TNKS: variants seen among roughly 807,000 people sequenced by gnomAD.
TNKS encodes tankyrase.
Under a neutral mutation model 135.8 loss-of-function variants are expected in TNKS, and 72 were observed. The observed-to-expected ratio is 0.53, with a 90% CI of 0.44 to 0.64. TNKS has a LOEUF of 0.64. Ranked by LOEUF, TNKS falls within the 30% of genes least tolerant of loss-of-function variation. The pLI, the probability that TNKS is intolerant of heterozygous loss-of-function variation, is 0.00. For missense variants in TNKS, 1,769 were observed against 1,674.0 expected, an observed-to-expected ratio of 1.06 and a Z score of -0.99; for synonymous variants, 849 against 649.3, an observed-to-expected ratio of 1.31 and a Z score of -4.68.
intron 2 of TNKS, among the ~76,000 whole-genome samples, chr8:9,589,284 G>C (rs1210154279): frequency 6.6e-6 from 1 of 152,204 alleles, no homozygotes; most frequent in Non-Finnish European, 1.5e-5. Context: ...GGAGGTTCTA[G>C]AACCTAGTAG....
At chr8:9,757,295 G>A (rs1806890539) in intron 20 of TNKS, among the ~76,000 whole-genome samples, 1 of 152,086 alleles carries the variant, frequency 6.6e-6, no homozygotes, top group Non-Finnish European at 1.5e-5. Flanking sequence ...ATACTTCTAA[G>A]CCTCTTAGTT....
chr8:9,562,581 A>G (rs1348118483), intron 1 of TNKS, among the ~76,000 whole-genome samples: 1 of 152,170 alleles, frequency 6.6e-6, no homozygotes, highest in Non-Finnish European at 1.5e-5. Context: ...TATAGACAGT[A>G]TATATGTGAG....
At chr8:9,670,731 C>T (rs1455265704) in intron 3 of TNKS, 1 of 152,136 alleles carries the variant, frequency 6.6e-6, no homozygotes, top group African/African-American at 2.4e-5. Flanking sequence ...TTTTAGAAAG[C>T]TGCTTGGATT....
At chr8:9,720,247 C>A in intron 11 of TNKS, 127 bp from the exon 12 acceptor site, 2 of 847,172 alleles carry the variant, frequency 2.4e-6, no homozygotes, top group Non-Finnish European at 3.4e-6. Context: ...AGTTTATAAT[C>A]AATATCTATG....
chr8:9,696,108 A>G (rs1803504258), intron 5 of TNKS, among the ~76,000 whole-genome samples: 1 of 152,232 alleles, frequency 6.6e-6, no homozygotes, highest in Admixed American at 6.5e-5. Flanking sequence ...GGTTGGAGAT[A>G]TAACTGGGGA....
Position 9,781,928 on chromosome 8 carries a change from T to G in TNKS, c.*5192T>G, listed in dbSNP as rs1184865214. ...TCAGATCAAGTACAAGATGCCCAGT[T>G]AAGTTTGAATTTCAGAGAAACAATT... On this transcript the variant is annotated 3_prime_UTR_variant, in exon 27 of 27. Transcript: ENST00000310430. The G allele has an allele frequency of 6.6e-6, 1 of 152,570 alleles. No homozygotes were observed. Among genetic ancestry groups the G allele is most frequent in the East Asian group, 1.9e-4 (1 of 5,206 alleles). 9.5% of individuals were successfully genotyped at this position (152,570 alleles called of 1,614,324 possible). A position where few individuals can be genotyped will look rare whatever the true frequency, so the allele number is the denominator to read the frequency against.
At chr8:9,721,766 T>C (rs1264505155) in intron 12 of TNKS, among the ~76,000 whole-genome samples, 2 of 152,212 alleles carry the variant, frequency 1.3e-5, no homozygotes, top group East Asian at 3.9e-4. Flanking sequence ...TAAAACGCCC[T>C]AACTAGATCG....
At position 9,615,678 on chromosome 8, in the gene TNKS, G is replaced by A; in HGVS notation, c.994+1G>A. On this transcript the variant is annotated splice_donor_variant, in intron 3 of 26. Transcript: ENST00000310430. LOFTEE classifies it high-confidence loss of function. The stretch of plus-strand genomic sequence containing the variant: ...CCTTCAGCAAAAGCTGTCCTTACAG[G>A]TAAGAAGACAGAGAGCTACCGAATG... 1 of 1,608,486 alleles carries A rather than the reference G, an allele frequency of 6.2e-7. No individual in the cohort carries two copies. The highest frequency in any genetic ancestry group is 8.5e-7 in the Non-Finnish European group (1 of 1,176,554).
intron 14 of TNKS, among the ~76,000 whole-genome samples, chr8:9,731,536 G>A (rs1055697838): frequency 6.7e-6 from 1 of 150,368 alleles, no homozygotes; most frequent in Non-Finnish European, 1.5e-5. Flanking sequence ...CCCACCTCCT[G>A]CTCAGAGATA....
chr8:9,769,624 T>TG (rs1807688618), intron 25 of TNKS, among the ~76,000 whole-genome samples: 1 of 137,598 alleles, frequency 7.3e-6, no homozygotes, highest in African/African-American at 2.8e-5. Flanking sequence ...TTTTTTTTTT[T>TG]TTTTTTTTTT....
intron 2 of TNKS, among the ~76,000 whole-genome samples, chr8:9,584,346 A>G (rs574848025): frequency 1.3e-5 from 2 of 152,092 alleles, no homozygotes; most frequent in Non-Finnish European, 2.9e-5. Context: ...ACTTCTTTGC[A>G]GTCAGGGATT....
intron 25 of TNKS, 35 bp downstream of exon 25, chr8:9,766,460 C>T (rs2128837399): frequency 7.0e-7 from 1 of 1,432,574 alleles, no homozygotes; most frequent in Non-Finnish European, 9.2e-7. Flanking sequence ...CGTTTCCCAC[C>T]CCTAGGTCAC....
At chr8:9,591,885 G>T (rs954949279) in intron 2 of TNKS, among the ~76,000 whole-genome samples, 1 of 152,110 alleles carries the variant, frequency 6.6e-6, no homozygotes, top group African/African-American at 2.4e-5. Flanking sequence ...TAACATTATC[G>T]TTTTAATTAC....
At chr8:9,629,861 T>C (rs1800217239) in intron 3 of TNKS, among the ~76,000 whole-genome samples, 1 of 152,158 alleles carries the variant, frequency 6.6e-6, no homozygotes, top group Admixed American at 6.5e-5. Flanking sequence ...TTTTTGTATT[T>C]TTAGTAGAGA....
chr8:9,782,038 A>T lies in TNKS; in HGVS notation c.*5302A>T, dbSNP rs996812612. On this transcript the variant is annotated 3_prime_UTR_variant, in exon 27 of 27. Coordinates refer to ENST00000310430, the MANE Select transcript of TNKS (RefSeq NM_003747.3). Reference sequence around the variant, plus strand: ...TTTGTCTGAAATTCAAATTTAACTGAGCATGCTGGTTTTTCTCATTGTTTG... The same window carrying T: ...TTTGTCTGAAATTCAAATTTAACTGTGCATGCTGGTTTTTCTCATTGTTTG... 1.3e-5 allele frequency: 2 copies of T among 152,306 alleles called. No individual in the cohort carries two copies. Among genetic ancestry groups the T allele is most frequent in the African/African-American group, 4.8e-5 (2 of 41,450 alleles). The allele number at this position is 152,306 out of a possible 1,614,324, so 9.4% of individuals were successfully genotyped here.
At chr8:9,769,294 G>T (rs545861341) in intron 25 of TNKS, among the ~76,000 whole-genome samples, 9 of 152,284 alleles carry the variant, frequency 5.9e-5, no homozygotes, top group African/African-American at 1.9e-4. Context: ...GTATATAATA[G>T]ACTTTCTTCC....
At position 9,601,564 on chromosome 8, in the gene TNKS, A is replaced by G. The variant is rs62493911; in HGVS notation, c.899-14018A>G. ...GCGTATGTGTTTGTATCTCAGGGGA[A>G]TGTCTGGGAGACAGAGAAAGACAGC... On this transcript the variant is annotated intron_variant, in intron 2 of 26. Coordinates refer to ENST00000310430, the MANE Select transcript of TNKS (RefSeq NM_003747.3). 7.2e-3 allele frequency among the ~76,000 whole-genome samples: 1,104 copies of G among 152,292 alleles called. 4 individuals carry two copies. Among genetic ancestry groups the G allele is most frequent in the Middle Eastern group, 0.02 (6 of 294 alleles).
rs544449243 is a variant in TNKS at position 9,697,374 on chromosome 8, C to G, written c.1108-7289C>G. 4.6e-5 allele frequency among the ~76,000 whole-genome samples: 7 copies of G among 152,190 alleles called. No individual in the cohort carries two copies. In the South Asian group the frequency reaches 1.2e-3, roughly 27 times the overall value. On this transcript the variant is annotated intron_variant, in intron 5 of 26. Coordinates refer to ENST00000310430, the MANE Select transcript of TNKS (RefSeq NM_003747.3). ...TAGAGAAAAACCTAGGAAATACCAT[C>G]CTCAGCATCAGCCTTAGCAGAGAAT...
intron 3 of TNKS, among the ~76,000 whole-genome samples, chr8:9,657,709 C>T (rs1801467596): frequency 4.7e-5 from 5 of 106,172 alleles, no homozygotes; most frequent in Non-Finnish European, 6.1e-5. Flanking sequence ...GGGCTCCTCA[C>T]TTCCCAGTAG....
Sources: gnomAD v4.1 joint callset for allele counts (sites outside exome capture counted in the v4.1 genomes callset) on GRCh38, gnomAD v4.1.1 for gene constraint, MANE v1.5 for transcripts, NCBI Gene and HGNC (gene_info 2026-07-23, HGNC 2026-07-21) for gene names.